C2CD4C: variants seen among roughly 807,000 people sequenced by gnomAD.
C2CD4C encodes the protein C2 calcium-dependent domain-containing protein 4C.
C2CD4C carries 3 observed loss-of-function variants against 4.1 expected under a neutral mutation model. The ratio of observed to expected loss-of-function variants is 0.73; its 90% CI spans 0.33 to 1.88. The LOEUF (loss-of-function observed/expected upper bound fraction) is 1.88. Among genes scored for constraint, C2CD4C ranks in the 40% most tolerant of loss-of-function variants. The pLI, the probability that C2CD4C is intolerant of heterozygous loss-of-function variation, is 0.08. For missense variants in C2CD4C, 664 were observed against 621.5 expected (o/e 1.07, Z -0.73); for synonymous variants, 364 against 290.4 (o/e 1.25, Z -2.57).
In C2CD4C at chr19:408,110, G is replaced by A. The variant is rs1315956517; in HGVS notation, c.252C>T (p.Arg84=). ...GCAGCCGGGGGCTCCGTGGGGTCTGGCGGGGGGCCGCAGAGGCCAGGTTCT... is the reference window on the plus strand; with the variant it reads ...GCAGCCGGGGGCTCCGTGGGGTCTGACGGGGGGCCGCAGAGGCCAGGTTCT... ...SEQNLASAAP[R]QTPRSPRLPA... is the part of the protein sequence containing the mutation. Residue 84 remains arginine, a synonymous_variant, in exon 2 of 2, where the codon CGC becomes CGT. Coordinates refer to ENST00000332235, the MANE Select transcript of C2CD4C (RefSeq NM_001136263.2). 17 of 1,476,512 alleles carry A rather than the reference G, an allele frequency of 1.2e-5. No individual in the cohort carries two copies. Among genetic ancestry groups the A allele is most frequent in the Non-Finnish European group, 1.5e-5 (17 of 1,115,860 alleles). The allele number at this position is 1,476,512 out of a possible 1,614,324, so 91.5% of individuals were successfully genotyped here. A position where few individuals can be genotyped will look rare whatever the true frequency, so the allele number is the denominator to read the frequency against.
chr19:408,068 G>T lies in C2CD4C; in HGVS notation c.294C>A (p.Ala98=), dbSNP rs1270545529. 7 of 1,512,450 alleles carry T rather than the reference G, an allele frequency of 4.6e-6. No homozygotes were observed. In the East Asian group the frequency reaches 1.2e-4, roughly 27 times the overall value. 93.7% of individuals were successfully genotyped at this position (1,512,450 alleles called of 1,614,324 possible). A position where few individuals can be genotyped will look rare whatever the true frequency, so the allele number is the denominator to read the frequency against. The change falls in exon 2 of 2, where the codon GCC becomes GCA. Residue 98 remains alanine (A), a synonymous_variant. Coordinates refer to ENST00000332235, the MANE Select transcript of C2CD4C (RefSeq NM_001136263.2). ...RSPRLPAKLA[A]ESKSLLKAAT... ...CTGCCTTCAGCAGGCTCTTGCTCTC[G>T]GCTGCCAGCTTGGCAGGCAGCCGGG... is the stretch of plus-strand genomic sequence containing the variant.
In C2CD4C at chr19:406,985, T is replaced by TGC; in HGVS notation, c.*110_*111insGC. The TGC allele has an allele frequency of 4.9e-6, 3 of 616,500 alleles. No homozygotes were observed. The highest frequency in any genetic ancestry group is 7.8e-6 in the Non-Finnish European group (3 of 384,124). 38.2% of individuals were successfully genotyped at this position (616,500 alleles called of 1,614,324 possible). A position where few individuals can be genotyped will look rare whatever the true frequency, so the allele number is the denominator to read the frequency against. On this transcript the variant is annotated 3_prime_UTR_variant, in exon 2 of 2. Transcript: ENST00000332235. The stretch of plus-strand genomic sequence containing the variant: ...CCAGCCCAGCCTGAGTGTGAGCCCC[T>TGC]CCCCGGCCAGCCCCAGCCCAAGCCA...
chr19:408,284 A>G lies in C2CD4C; in HGVS notation c.78T>C (p.Ser26=). The G allele has an allele frequency of 6.6e-7, 1 of 1,525,054 alleles. No homozygotes were observed. Among genetic ancestry groups the G allele is most frequent in the East Asian group, 2.5e-5 (1 of 39,904 alleles). 94.5% of individuals were successfully genotyped at this position (1,525,054 alleles called of 1,614,324 possible). The change falls in exon 2 of 2, where the codon AGT becomes AGC. Residue 26 remains serine (S), a synonymous_variant. Transcript: ENST00000332235. The part of the protein sequence containing the change: ...GENGAARGVG[S]EAGDKASKGP... ...CCTTGGAGGCCTTGTCCCCCGCCTCACTCCCCACGCCCCGGGCAGCACCGT... is the reference window on the plus strand; with the variant it reads ...CCTTGGAGGCCTTGTCCCCCGCCTCGCTCCCCACGCCCCGGGCAGCACCGT...
chr19:406,106 G>C lies in C2CD4C; in HGVS notation c.*990C>G, dbSNP rs1973980519. 6.6e-6 allele frequency: 1 copy of C among 152,438 alleles called. No homozygotes were observed. Among genetic ancestry groups the C allele is most frequent in the East Asian group, 1.9e-4 (1 of 5,178 alleles). 9.4% of individuals were successfully genotyped at this position (152,438 alleles called of 1,614,324 possible). On this transcript the variant is annotated 3_prime_UTR_variant, in exon 2 of 2. Coordinates refer to ENST00000332235, the MANE Select transcript of C2CD4C (RefSeq NM_001136263.2). ...CTAACAGCAGGAAAGGCCATAGCCA[G>C]GTCCCCCCAGCTGCCTCCTGGGCTC...
In C2CD4C at chr19:407,947, G is replaced by A. The variant is rs1272424013; in HGVS notation, c.415C>T (p.Pro139Ser). The A allele has an allele frequency of 3.9e-6, 6 of 1,548,706 alleles. No individual in the cohort carries two copies. Among genetic ancestry groups the A allele is most frequent in the Non-Finnish European group, 5.2e-6 (6 of 1,146,436 alleles). The part of the protein sequence containing the change: ...DPQAQGAMSL[P>S]SVPKAQTSYG... Reference sequence around the variant, plus strand: ...GACGTCTGGGCCTTGGGCACCGAGGGCAGGGACATGGCACCCTGGGCCTGG... The same window carrying A: ...GACGTCTGGGCCTTGGGCACCGAGGACAGGGACATGGCACCCTGGGCCTGG... Residue 139 changes from proline (P) to serine (S), a missense_variant, in exon 2 of 2, where the codon CCC (proline) becomes TCC (serine). Transcript: ENST00000332235.
chr19:407,462 C>T lies in C2CD4C; in HGVS notation c.900G>A (p.Thr300=), dbSNP rs972458116. The part of the protein sequence containing the change: ...PESGQARGEH[T]VHVGPRGSVR... ...CGCTGCCCCGAGGGCCCACGTGGAC[C>T]GTGTGCTCCCCACGCGCCTGGCCCG... The change falls in exon 2 of 2, where the codon ACG becomes ACA. Residue 300 remains threonine, a synonymous_variant. Coordinates refer to ENST00000332235, the MANE Select transcript of C2CD4C (RefSeq NM_001136263.2). 22 of 1,423,066 alleles carry T rather than the reference C, an allele frequency of 1.5e-5. No homozygotes were observed. The highest frequency in any genetic ancestry group is 1.4e-4 in the African/African-American group (9 of 66,660). The allele number at this position is 1,423,066 out of a possible 1,614,324, so 88.2% of individuals were successfully genotyped here.
In C2CD4C at chr19:408,092, G is replaced by A; in HGVS notation, c.270C>T (p.Pro90=). The change falls in exon 2 of 2, where the codon CCC becomes CCT. Residue 90 remains proline (P), a synonymous_variant. Transcript: ENST00000332235. ...CGGCTGCCAGCTTGGCAGGCAGCCG[G>A]GGGCTCCGTGGGGTCTGGCGGGGGG... is the stretch of plus-strand genomic sequence containing the variant. ...SAAPRQTPRS[P]RLPAKLAAES... is the part of the protein sequence containing the mutation. The A allele has an allele frequency of 6.7e-7, 1 of 1,490,032 alleles. No homozygotes were observed. The highest frequency in any genetic ancestry group is 8.9e-7 in the Non-Finnish European group (1 of 1,122,538). The allele number at this position is 1,490,032 out of a possible 1,614,324, so 92.3% of individuals were successfully genotyped here.
chr19:408,478 C>A, intron 1 of C2CD4C, 77 bp from the exon 2 acceptor site: 1 of 910,886 alleles, frequency 1.1e-6, no homozygotes, highest in Non-Finnish European at 1.6e-6. Context: ...CCTGTGGGGC[C>A]TCCCGGCAGG....
chr19:405,474 C>G lies in C2CD4C; in HGVS notation c.*1622G>C, dbSNP rs975441309. The G allele has an allele frequency of 6.6e-6, 1 of 152,182 alleles. No homozygotes were observed. Among genetic ancestry groups the G allele is most frequent in the African/African-American group, 2.4e-5 (1 of 41,404 alleles). The allele number at this position is 152,182 out of a possible 1,614,324, so 9.4% of individuals were successfully genotyped here. ...CGAAACACCTTTATTGCACTATAAA[C>G]AGCATTTATAAACAAACACAGCTGG... On this transcript the variant is annotated 3_prime_UTR_variant, in exon 2 of 2. Transcript: ENST00000332235.
intron 1 of C2CD4C, 84 bp downstream of exon 1, chr19:408,917 CCCCCG>C (rs1284822212): frequency 2.6e-5 from 4 of 152,450 alleles, no homozygotes; most frequent in Non-Finnish European, 4.4e-5. Context: ...CCCCGGTGTC[CCCCCG>C]CCCCCAGCCC....
At position 408,320 on chromosome 19, in the gene C2CD4C, C is replaced by A. The variant is rs1389452982; in HGVS notation, c.42G>T (p.Gly14=). The change falls in exon 2 of 2, where the codon GGG becomes GGT. Residue 14 remains glycine (G), a synonymous_variant. Transcript: ENST00000332235. The part of the protein sequence containing the change: ...TNMWFLERLR[G]SGENGAARGV... ...CCCGGGCAGCACCGTTTTCCCCAGA[C>A]CCCCGAAGCCGCTCCAAGAACCACA... 7.1e-6 allele frequency: 11 copies of A among 1,547,808 alleles called. No homozygotes were observed. Among genetic ancestry groups the A allele is most frequent in the Admixed American group, 3.9e-5 (2 of 50,840 alleles).
At position 406,743 on chromosome 19, in the gene C2CD4C, CCT is replaced by C. The variant is rs910401812; in HGVS notation, c.*351_*352del. On this transcript the variant is annotated 3_prime_UTR_variant, in exon 2 of 2. Coordinates refer to ENST00000332235, the MANE Select transcript of C2CD4C (RefSeq NM_001136263.2). ...GGCCACATGCACGGATTCCTGAACC[CCT>C]GAGAACCTCCTTCTAGAACTCTGCG... 3.0e-5 allele frequency: 7 copies of C among 230,364 alleles called. No homozygotes were observed. The South Asian group carries it at 4.8e-4, about 16-fold the overall frequency. The allele number at this position is 230,364 out of a possible 1,614,324, so 14.3% of individuals were successfully genotyped here.
Position 407,487 on chromosome 19 carries a change from G to T in C2CD4C, c.875C>A (p.Ser292Ter). Reference protein sequence around the residue: ...RRAPPEPGPESGQARGEHTVH... With the variant: ...RRAPPEPGPE ...CGTGTGCTCCCCACGCGCCTGGCCC[G>T]ACTCGGGGCCAGGTTCCGGGGGTGC... is the stretch of plus-strand genomic sequence containing the variant. The change falls in exon 2 of 2, where the codon TCG (serine) becomes TAG (stop). Residue 292 changes from serine to a stop codon, truncating the protein, a stop_gained. Transcript: ENST00000332235. LOFTEE classifies it low-confidence loss of function (END_TRUNC). 1 of 1,380,010 alleles carries T rather than the reference G, an allele frequency of 7.2e-7. No homozygotes were observed. Among genetic ancestry groups the T allele is most frequent in the Non-Finnish European group, 9.3e-7 (1 of 1,071,286 alleles). The allele number at this position is 1,380,010 out of a possible 1,614,324, so 85.5% of individuals were successfully genotyped here. A position where few individuals can be genotyped will look rare whatever the true frequency, so the allele number is the denominator to read the frequency against.
chr19:406,206 C>T lies in C2CD4C; in HGVS notation c.*890G>A, dbSNP rs2145672185. 1 of 152,414 alleles carries T rather than the reference C, an allele frequency of 6.6e-6. No homozygotes were observed. The highest frequency in any genetic ancestry group is 2.1e-4 in the South Asian group (1 of 4,832). 9.4% of individuals were successfully genotyped at this position (152,414 alleles called of 1,614,324 possible). On this transcript the variant is annotated 3_prime_UTR_variant, in exon 2 of 2. Transcript: ENST00000332235. ...CACGGCCGTCAATCACTGCGTGTCGCTCCCAGCTGCAGACGCTGGACAAAA... is the reference window on the plus strand; with the variant it reads ...CACGGCCGTCAATCACTGCGTGTCGTTCCCAGCTGCAGACGCTGGACAAAA...
chr19:408,472 T>C, intron 1 of C2CD4C, 71 bp from the exon 2 acceptor site: 1 of 307,936 alleles, frequency 3.2e-6, no homozygotes, highest in Non-Finnish European at 5.2e-6. Context: ...CTGCTCCCTG[T>C]GGGGCCTCCC....
intron 1 of C2CD4C, among the ~76,000 whole-genome samples, 178 bp from the exon 2 acceptor site, chr19:408,579 C>A (rs923168805): frequency 1.3e-5 from 2 of 152,152 alleles, no homozygotes; most frequent in African/African-American, 4.8e-5. Context: ...GGGTTCCCCC[C>A]ACCTTTTTCC....
At chr19:408,504 T>TGGGGGGG in intron 1 of C2CD4C, 103 bp from the exon 2 acceptor site, 1 of 199,086 alleles carries the variant, frequency 5.0e-6, no homozygotes, top group African/African-American at 3.8e-5. Flanking sequence ...GCCGGCGGGG[T>TGGGGGGG]GGGGGTGGAG....
rs970329285 is a variant in C2CD4C, at chr19:405,447, C to T, written c.*1649G>A. The T allele has an allele frequency of 9.2e-5, 14 of 152,158 alleles. No homozygotes were observed. Among genetic ancestry groups the T allele is most frequent in the African/African-American group, 3.1e-4 (13 of 41,396 alleles). 9.4% of individuals were successfully genotyped at this position (152,158 alleles called of 1,614,324 possible). On this transcript the variant is annotated 3_prime_UTR_variant, in exon 2 of 2. Coordinates refer to ENST00000332235, the MANE Select transcript of C2CD4C (RefSeq NM_001136263.2). ...GGAAGCCAACCTCCACCCCCGTATT[C>T]CCGAAACACCTTTATTGCACTATAA...
chr19:407,744 G>A lies in C2CD4C; in HGVS notation c.618C>T (p.Ser206=), dbSNP rs1363451061. The A allele has an allele frequency of 2.6e-6, 4 of 1,519,312 alleles. No individual in the cohort carries two copies. Among genetic ancestry groups the A allele is most frequent in the African/African-American group, 1.4e-5 (1 of 71,556 alleles). The allele number at this position is 1,519,312 out of a possible 1,614,324, so 94.1% of individuals were successfully genotyped here. A position where few individuals can be genotyped will look rare whatever the true frequency, so the allele number is the denominator to read the frequency against. ...GPREAGGALM[S]PGRYFSGGES... is the part of the protein sequence containing the mutation. ...CCCCGCCACTGAAGTAGCGGCCGGG[G>A]CTCATGAGGGCCCCGCCAGCCTCCC... Residue 206 remains serine (S), a synonymous_variant, in exon 2 of 2, where the codon AGC becomes AGT. Transcript: ENST00000332235.
Sources: allele counts gnomAD v4.1 joint callset (sites outside exome capture counted in the v4.1 genomes callset), GRCh38; gene constraint gnomAD v4.1.1; transcripts MANE v1.5; gene names NCBI Gene and HGNC (gene_info 2026-07-23, HGNC 2026-07-21).